The following CFAP20DC variants were observed in gnomAD, a reference collection of about 807,000 sequenced individuals.
CFAP20DC encodes protein CFAP20DC.
Under a neutral mutation model 101.7 loss-of-function variants are expected in CFAP20DC, and 84 were observed. The ratio of observed to expected loss-of-function variants is 0.83; its 90% confidence interval spans 0.69 to 0.99. The LOEUF (loss-of-function observed/expected upper bound fraction) is 0.99, where lower values mean the gene tolerates loss of function less well. CFAP20DC is among the 50% of genes least tolerant of loss of function. The probability of loss-of-function intolerance (pLI) is 0.00; values close to 1 mark genes in which losing one functional copy is unlikely to be tolerated. For missense variants in CFAP20DC, 1,007 were observed against 970.3 expected, an observed-to-expected ratio of 1.04 and a Z score of -0.50; for synonymous variants, 359 against 351.2, an observed-to-expected ratio of 1.02 and a Z score of -0.25.
At chr3:58,764,331 G>C (rs984253720) in intron 15 of CFAP20DC, among the ~76,000 whole-genome samples, 1 of 152,156 alleles carries the variant, frequency 6.6e-6, no homozygotes, top group African/African-American at 2.4e-5. Context: ...AGGATCCTCC[G>C]AGCCAGGCGT....
chr3:58,941,758 T>C (rs1039475261), intron 4 of CFAP20DC, among the ~76,000 whole-genome samples: 2 of 151,994 alleles, frequency 1.3e-5, no homozygotes, highest in African/African-American at 4.8e-5. Flanking sequence ...TTAGTAGCGA[T>C]GGGGTTTCAC....
intron 5 of CFAP20DC, among the ~76,000 whole-genome samples, chr3:58,928,167 T>C (rs2086192055): frequency 6.6e-6 from 1 of 152,200 alleles, no homozygotes; most frequent in Admixed American, 6.5e-5. Context: ...GATGATACAC[T>C]TGTAGTCTAC....
chr3:58,816,207 G>C (rs1335806586), intron 14 of CFAP20DC, among the ~76,000 whole-genome samples: 2 of 152,072 alleles, frequency 1.3e-5, no homozygotes, highest in Non-Finnish European at 2.9e-5. Context: ...CATGTCCTTT[G>C]TAGGGACATG....
chr3:58,925,053 A>G (rs980414704), intron 5 of CFAP20DC, among the ~76,000 whole-genome samples: 15 of 151,820 alleles, frequency 9.9e-5, no homozygotes, highest in Admixed American at 8.5e-4. Context: ...CCTTTAATAT[A>G]TTTATAATAA....
At chr3:58,942,822 T>C (rs1021119232) in intron 4 of CFAP20DC, among the ~76,000 whole-genome samples, 3 of 152,160 alleles carry the variant, frequency 2.0e-5, no homozygotes, top group African/African-American at 7.2e-5. Flanking sequence ...TAAGATCCAC[T>C]GATTTGAAAT....
At chr3:58,999,075 C>G (rs1001494421) in intron 4 of CFAP20DC, among the ~76,000 whole-genome samples, 26 of 152,206 alleles carry the variant, frequency 1.7e-4, no homozygotes, top group African/African-American at 5.5e-4. Context: ...AGAGGGAGAT[C>G]CAGTGATGCT....
At chr3:58,841,011 C>A (rs191707676) in intron 13 of CFAP20DC, among the ~76,000 whole-genome samples, 86 of 152,284 alleles carry the variant, frequency 5.6e-4, no homozygotes, top group African/African-American at 2.0e-3. Flanking sequence ...AATGAAAATG[C>A]AGATAGCTTT....
intron 4 of CFAP20DC, among the ~76,000 whole-genome samples, chr3:59,032,030 G>A (rs1051155136): frequency 9.9e-5 from 15 of 152,144 alleles, no homozygotes; most frequent in African/African-American, 3.6e-4. Flanking sequence ...TGTACAATGG[G>A]TGCAGCCCAA....
At chr3:58,975,612 C>A (rs2108430238) in intron 4 of CFAP20DC, among the ~76,000 whole-genome samples, 1 of 152,200 alleles carries the variant, frequency 6.6e-6, no homozygotes, top group South Asian at 2.1e-4. Flanking sequence ...ATGCTCCATT[C>A]CTTGTTTACT....
chr3:58,814,669 C>A (rs1313852963), intron 14 of CFAP20DC, among the ~76,000 whole-genome samples: 1 of 150,962 alleles, frequency 6.6e-6, no homozygotes, highest in Non-Finnish European at 1.5e-5. Flanking sequence ...TCTCAGGATA[C>A]AAAATCAATG....
At position 58,806,441 on chromosome 3, in the gene CFAP20DC, G is replaced by A. The variant is rs374594874; in HGVS notation, c.2191C>T (p.Arg731Cys). The change falls in exon 15 of 17, where the codon CGC (arginine) becomes TGC (cysteine). Residue 731 changes from arginine (R) to cysteine (C), a missense_variant. Arg to Cys is a radical substitution (Grantham distance 180). Coordinates refer to ENST00000482387, the MANE Select transcript of CFAP20DC (RefSeq NM_001394063.1). ...GGGTTCATTTCTTTCTGATAGTGGCGACCCTGGTTGACAGGCTGGAAAAGA... is the reference window on the plus strand; with the variant it reads ...GGGTTCATTTCTTTCTGATAGTGGCAACCCTGGTTGACAGGCTGGAAAAGA... ...SCLPPPVNQG[R>C]HYQKEMNPPS... 44 of 1,611,632 alleles carry A rather than the reference G, an allele frequency of 2.7e-5. No homozygotes were observed. In the East Asian group the frequency reaches 3.1e-4, roughly 11 times the overall value.
intron 13 of CFAP20DC, among the ~76,000 whole-genome samples, chr3:58,845,571 T>C (rs1177365539): frequency 2.0e-5 from 3 of 152,058 alleles, no homozygotes; most frequent in Admixed American, 2.0e-4. Context: ...CACAGCCGAA[T>C]TCTACCAGAG....
chr3:58,742,313 A>C lies in CFAP20DC; in HGVS notation c.*147T>G. On this transcript the variant is annotated 3_prime_UTR_variant, in exon 17 of 17. Coordinates refer to ENST00000482387, the MANE Select transcript of CFAP20DC (RefSeq NM_001394063.1). ...GGAATATAGGTATTCTTAACGTTGA[A>C]CATTATTTACAAAATGAATTCGTTT... is the stretch of plus-strand genomic sequence containing the variant. The C allele has an allele frequency of 7.9e-7, 1 of 1,259,352 alleles. No homozygotes were observed. The highest frequency in any genetic ancestry group is 1.0e-6 in the Non-Finnish European group (1 of 996,550). The allele number at this position is 1,259,352 out of a possible 1,614,324, so 78.0% of individuals were successfully genotyped here. A position where few individuals can be genotyped will look rare whatever the true frequency, so the allele number is the denominator to read the frequency against.
chr3:58,802,499 T>C (rs1024073861), intron 15 of CFAP20DC, among the ~76,000 whole-genome samples: 8 of 152,252 alleles, frequency 5.3e-5, no homozygotes, highest in East Asian at 1.9e-4. Context: ...GCATCTGTGA[T>C]GCTGTTTAAA....
In CFAP20DC at chr3:59,047,154, C is replaced by A. The variant is rs1179525582; in HGVS notation, c.111+11G>T. The A allele has an allele frequency of 1.3e-6, 2 of 1,510,228 alleles. No homozygotes were observed. The highest frequency in any genetic ancestry group is 1.8e-6 in the Non-Finnish European group (2 of 1,124,574). The allele number at this position is 1,510,228 out of a possible 1,614,324, so 93.6% of individuals were successfully genotyped here. A position where few individuals can be genotyped will look rare whatever the true frequency, so the allele number is the denominator to read the frequency against. On this transcript the variant is annotated intron_variant, in intron 2 of 16. Transcript: ENST00000482387. ...CCCCTGATTTATGTGGCTCTAATTT[C>A]TAATACTTACTTTCCAAATCACAGA...
intron 6 of CFAP20DC, among the ~76,000 whole-genome samples, chr3:58,888,707 C>T (rs998048199): frequency 3.9e-5 from 6 of 152,218 alleles, no homozygotes; most frequent in African/African-American, 1.4e-4. Context: ...GCTTCCAGCT[C>T]CATGTCCCTG....
At position 58,760,441 on chromosome 3, in the gene CFAP20DC, T is replaced by C. The variant is rs992721813; in HGVS notation, c.2238-6578A>G. Among the ~76,000 whole-genome samples the C allele has an allele frequency of 2.5e-4, 38 of 152,248 alleles. 1 individual carries two copies. Among genetic ancestry groups the C allele is most frequent in the African/African-American group, 8.2e-4 (34 of 41,548 alleles). On this transcript the variant is annotated intron_variant, in intron 15 of 16. Coordinates refer to ENST00000482387, the MANE Select transcript of CFAP20DC (RefSeq NM_001394063.1). ...AGCTTAAGGAGATTTTGGGCTGAGATGATGGGGTTTTCTAGATATACAATC... is the reference window on the plus strand; with the variant it reads ...AGCTTAAGGAGATTTTGGGCTGAGACGATGGGGTTTTCTAGATATACAATC...
chr3:58,824,994 A>G (rs1450563388), intron 14 of CFAP20DC, among the ~76,000 whole-genome samples: 1 of 152,110 alleles, frequency 6.6e-6, no homozygotes, highest in Non-Finnish European at 1.5e-5. Context: ...TGAAGGAATG[A>G]CAGCTTTGGG....
At chr3:58,929,591 T>C (rs368875830) in intron 5 of CFAP20DC, among the ~76,000 whole-genome samples, 1 of 152,240 alleles carries the variant, frequency 6.6e-6, no homozygotes, top group South Asian at 2.1e-4. Context: ...ATATTTAATA[T>C]TAAATGAATT....
Sources: allele counts gnomAD v4.1 joint callset (sites outside exome capture counted in the v4.1 genomes callset), GRCh38; gene constraint gnomAD v4.1.1; transcripts MANE v1.5; gene names NCBI Gene and HGNC (gene_info 2026-07-23, HGNC 2026-07-21).